The following ZNF678 variants were observed in gnomAD, a reference collection of about 807,000 sequenced individuals.
The protein encoded by ZNF678 is hypothetical protein MGC42493.
ZNF678 carries 5 observed loss-of-function variants against 3.0 expected under a neutral mutation model. That is an observed-to-expected ratio of 1.69 (90% CI 0.88 to 3.56). The LOEUF is 3.56. Ranked by LOEUF, ZNF678 falls within the 30% of genes most tolerant of loss-of-function variation. ZNF678 has a pLI of 0.00. For synonymous variants in ZNF678, 218 were observed against 199.6 expected (o/e 1.09, Z -0.78); for missense variants, 593 against 605.0 (o/e 0.98, Z 0.21).
chr1:227,655,197 C>T lies in ZNF678; in HGVS notation c.947C>T (p.Thr316Ile), dbSNP rs1659201523. The change falls in exon 4 of 4, where the codon ACT (threonine) becomes ATT (isoleucine). Residue 316 changes from threonine (T) to isoleucine (I), a missense_variant. Coordinates refer to ENST00000343776, the MANE Select transcript of ZNF678 (RefSeq NM_001367909.1). ...CTTACTCGTCATAAAAGAATTCATACTGGAGAAAAACCCTACCAATGTGAA... is the reference window on the plus strand; with the variant it reads ...CTTACTCGTCATAAAAGAATTCATATTGGAGAAAAACCCTACCAATGTGAA... ...ASLTRHKRIH[T>I]GEKPYQCEEC... 1 of 1,611,968 alleles carries T rather than the reference C, an allele frequency of 6.2e-7. No homozygotes were observed. Among genetic ancestry groups the T allele is most frequent in the South Asian group, 1.1e-5 (1 of 90,904 alleles).
chr1:227,623,278 G>A (rs1191351904), intron 1 of ZNF678, among the ~76,000 whole-genome samples: 2 of 152,246 alleles, frequency 1.3e-5, no homozygotes, highest in Non-Finnish European at 2.9e-5. Flanking sequence ...GTCTATGGAA[G>A]GAATGCAGAA....
At chr1:227,581,914 A>T (rs1486522906) in intron 1 of ZNF678, among the ~76,000 whole-genome samples, 1 of 152,198 alleles carries the variant, frequency 6.6e-6, no homozygotes, top group African/African-American at 2.4e-5. Flanking sequence ...ACCTTGGCAA[A>T]CATTTCGTAT....
At chr1:227,603,443 A>G (rs1377899833) in intron 1 of ZNF678, among the ~76,000 whole-genome samples, 1 of 152,102 alleles carries the variant, frequency 6.6e-6, no homozygotes, top group Non-Finnish European at 1.5e-5. Flanking sequence ...TGTAGATGCT[A>G]TTTGCCACCA....
At chr1:227,654,058 A>G (rs1312011832) in intron 3 of ZNF678, among the ~76,000 whole-genome samples, 1 of 152,080 alleles carries the variant, frequency 6.6e-6, no homozygotes, top group Non-Finnish European at 1.5e-5. Flanking sequence ...GAAAGGCTGT[A>G]TGTATAAATG....
intron 1 of ZNF678, among the ~76,000 whole-genome samples, chr1:227,631,294 A>G (rs1281825984): frequency 1.3e-5 from 2 of 152,174 alleles, no homozygotes; most frequent in African/African-American, 2.4e-5. Flanking sequence ...ATGCTCACCA[A>G]TATAACAGTC....
At position 227,657,749 on chromosome 1, in the gene ZNF678, T is replaced by A. The variant is rs1217417964; in HGVS notation, c.*1921T>A. On this transcript the variant is annotated 3_prime_UTR_variant, in exon 4 of 4. Coordinates refer to ENST00000343776, the MANE Select transcript of ZNF678 (RefSeq NM_001367909.1). ...TTGTGTTTGAGTGTAGGTGTGTACT[T>A]TTTTGAGAAGAAAACAAAAATATTG... is the stretch of plus-strand genomic sequence containing the variant. 6.6e-6 allele frequency: 1 copy of A among 151,988 alleles called. No individual in the cohort carries two copies. The highest frequency in any genetic ancestry group is 1.5e-5 in the Non-Finnish European group (1 of 67,920). The allele number at this position is 151,988 out of a possible 1,614,324, so 9.4% of individuals were successfully genotyped here. A position where few individuals can be genotyped will look rare whatever the true frequency, so the allele number is the denominator to read the frequency against.
intron 1 of ZNF678, among the ~76,000 whole-genome samples, chr1:227,619,144 T>C (rs1162080321): frequency 1.3e-5 from 2 of 152,144 alleles, no homozygotes; most frequent in East Asian, 3.9e-4. Flanking sequence ...GGATTACAAC[T>C]TGACGTGAGA....
downstream of ZNF678, among the ~76,000 whole-genome samples, chr1:227,664,247 G>A (rs528014622): frequency 3.3e-5 from 5 of 152,282 alleles, no homozygotes; most frequent in South Asian, 1.0e-3. Context: ...GAGGAAACCA[G>A]ATCACGGTTT....
At chr1:227,573,354 A>G (rs1169833254) in intron 1 of ZNF678, among the ~76,000 whole-genome samples, 6 of 152,236 alleles carry the variant, frequency 3.9e-5, no homozygotes, top group African/African-American at 9.6e-5. Flanking sequence ...CTATTATTAT[A>G]TTGGGAAGAG....
intron 1 of ZNF678, among the ~76,000 whole-genome samples, chr1:227,629,927 A>G (rs1345454290): frequency 6.6e-6 from 1 of 151,544 alleles, no homozygotes; most frequent in Non-Finnish European, 1.5e-5. Context: ...CCTGAGGGCC[A>G]TGACTAAAGT....
At chr1:227,667,875 G>A (rs1242973735) in intron 5 of ZNF678, among the ~76,000 whole-genome samples, 1 of 151,962 alleles carries the variant, frequency 6.6e-6, no homozygotes, top group Non-Finnish European at 1.5e-5. Flanking sequence ...TTATAGGGAA[G>A]AAAAAAGGAT....
At chr1:227,639,996 A>C (rs1658778031) in intron 1 of ZNF678, among the ~76,000 whole-genome samples, 1 of 152,182 alleles carries the variant, frequency 6.6e-6, no homozygotes, top group Non-Finnish European at 1.5e-5. Flanking sequence ...GGTTCCTGCT[A>C]CTTCCTGAAG....
intron 1 of ZNF678, chr1:227,599,208 A>G (rs1657671807): frequency 1.1e-6 from 1 of 926,086 alleles, no homozygotes; most frequent in East Asian, 2.7e-5. Context: ...AACTGGTTTC[A>G]GGTTTTTGTT....
chr1:227,636,402 T>G (rs1006131360), intron 1 of ZNF678, among the ~76,000 whole-genome samples: 1 of 152,228 alleles, frequency 6.6e-6, no homozygotes, highest in Non-Finnish European at 1.5e-5. Flanking sequence ...GCTAGCCTGT[T>G]TTGATAAATT....
intron 1 of ZNF678, among the ~76,000 whole-genome samples, chr1:227,585,190 T>C (rs1657226382): frequency 6.6e-6 from 1 of 152,168 alleles, no homozygotes; most frequent in Non-Finnish European, 1.5e-5. Context: ...GGCCAGTTAA[T>C]CGTTTTCTGT....
chr1:227,593,089 T>TA (rs1657459709), intron 1 of ZNF678, among the ~76,000 whole-genome samples: 1 of 152,188 alleles, frequency 6.6e-6, no homozygotes, highest in Non-Finnish European at 1.5e-5. Context: ...GTGCCGGACT[T>TA]CAGGATATGG....
Position 227,654,592 on chromosome 1 carries a change from A to G in ZNF678, c.342A>G (p.Glu114=), listed in dbSNP as rs1659168971. The change falls in exon 4 of 4, where the codon GAA becomes GAG. Residue 114 remains glutamate (E), a synonymous_variant. Transcript: ENST00000343776. The part of the protein sequence containing the change: ...RNFSWRSILT[E]HKRIHTGEKP... ...TTAGCTGGAGGTCAATCCTTACTGA[A>G]CATAAGAGAATTCATACTGGAGAGA... The G allele has an allele frequency of 6.2e-7, 1 of 1,613,340 alleles. No homozygotes were observed. Among genetic ancestry groups the G allele is most frequent in the African/African-American group, 1.3e-5 (1 of 74,896 alleles).
At chr1:227,668,397 A>T (rs980599736) in intron 5 of ZNF678, among the ~76,000 whole-genome samples, 1 of 152,238 alleles carries the variant, frequency 6.6e-6, no homozygotes, top group Non-Finnish European at 1.5e-5. Context: ...GAGCTAAAAA[A>T]ATCCATAATT....
chr1:227,670,887 G>A (rs1000312535), intron 5 of ZNF678, among the ~76,000 whole-genome samples: 2 of 151,890 alleles, frequency 1.3e-5, no homozygotes, highest in Admixed American at 6.5e-5. Context: ...TAACTTTTGG[G>A]ACTGGGAGGC....
Sources: gnomAD v4.1 joint callset for allele counts (sites outside exome capture counted in the v4.1 genomes callset) on GRCh38, gnomAD v4.1.1 for gene constraint, MANE v1.5 for transcripts, NCBI Gene and HGNC (gene_info 2026-07-23, HGNC 2026-07-21) for gene names.